Variants in CHIC1 observed in about 807,000 individuals in gnomAD.
CHIC1 encodes the protein cysteine-rich hydrophobic domain-containing protein 1.
Under a neutral mutation model 18.5 loss-of-function variants are expected in CHIC1, and 7 were observed. The ratio of observed to expected loss-of-function variants is 0.38; its 90% CI spans 0.22 to 0.71. The LOEUF is 0.71. CHIC1 is among the 30% of genes least tolerant of loss of function. CHIC1 has a pLI of 0.49. For synonymous variants in CHIC1, 77 were observed against 73.5 expected, an observed-to-expected ratio of 1.05 and a Z score of -0.25; for missense variants, 159 against 176.9, an observed-to-expected ratio of 0.90 and a Z score of 0.57.
rs2058119750 is a variant in CHIC1 at position 73,685,953 on chromosome X, C to A, written c.*4948C>A. ...AGCAGATGATAGCAGTGGAGGGTAT[C>A]CTTGAGCTTTTTGTAATATTTCAAA... On this transcript the variant is annotated 3_prime_UTR_variant, in exon 6 of 6. Transcript: ENST00000373502. 2 of 110,858 alleles carry A rather than the reference C, an allele frequency of 1.8e-5. No individual in the cohort carries two copies. The highest frequency in any genetic ancestry group is 9.7e-5 in the Admixed American group (1 of 10,331). The allele number at this position is 110,858 out of a possible 1,213,427, so 9.1% of individuals were successfully genotyped here.
In CHIC1 at chrX:73,658,715, T is replaced by C. The variant is rs1052127755; in HGVS notation, c.508-20611T>C. The stretch of plus-strand genomic sequence containing the variant: ...TTCTTGGTTCTCTAGTTCTTTTTGT[T>C]GTGATGTTAGGTTGCTAACTTGAGG... On this transcript the variant is annotated intron_variant, in intron 3 of 5. Transcript: ENST00000373502. Among the ~76,000 whole-genome samples the C allele has an allele frequency of 2.7e-5, 3 of 111,662 alleles. No homozygotes were observed. The Admixed American group carries it at 2.9e-4, about 11-fold the overall frequency.
chrX:73,606,099 G>T (rs758819708), intron 3 of CHIC1, among the ~76,000 whole-genome samples: 1 of 107,452 alleles, frequency 9.3e-6, no homozygotes, highest in East Asian at 2.9e-4. Flanking sequence ...TTTTTAACTT[G>T]ATTCCATTTT....
chrX:73,566,825 C>A (rs2057447131), intron 1 of CHIC1, among the ~76,000 whole-genome samples: 1 of 111,294 alleles, frequency 9.0e-6, no homozygotes, highest in African/African-American at 3.3e-5. Context: ...ATGATTTCTT[C>A]TTTTTCAGAA....
chrX:73,664,256 G>A (rs1042975995), intron 3 of CHIC1, among the ~76,000 whole-genome samples: 2 of 111,310 alleles, frequency 1.8e-5, no homozygotes, highest in Non-Finnish European at 3.8e-5. Flanking sequence ...TTTTTACATC[G>A]GGGCATATAG....
chrX:73,674,640 C>T lies in CHIC1; in HGVS notation c.508-4686C>T, dbSNP rs760896315. ...CTTCTCTCTTTTCTTTTTTATTAGT[C>T]TTTCTAGCGGTCTATCAATTTTGTT... On this transcript the variant is annotated intron_variant, in intron 3 of 5. Coordinates refer to ENST00000373502, the MANE Select transcript of CHIC1 (RefSeq NM_001039840.4). Among the ~76,000 whole-genome samples, 4 of 111,423 alleles carry T rather than the reference C, an allele frequency of 3.6e-5. No individual in the cohort carries two copies. The South Asian group carries it at 1.5e-3, about 42-fold the overall frequency.
chrX:73,620,209 G>A (rs1439151137), intron 3 of CHIC1, among the ~76,000 whole-genome samples: 2 of 111,921 alleles, frequency 1.8e-5, no homozygotes, highest in Admixed American at 9.4e-5. Flanking sequence ...ATAATTCTTT[G>A]GGTGTATACC....
intron 3 of CHIC1, among the ~76,000 whole-genome samples, chrX:73,677,397 G>T (rs778053611): frequency 5.4e-5 from 6 of 111,893 alleles, no homozygotes; most frequent in South Asian, 3.7e-4. Flanking sequence ...CAAGCTTCCC[G>T]GCTGCTTTGT....
intron 3 of CHIC1, among the ~76,000 whole-genome samples, chrX:73,649,288 C>G (rs986571633): frequency 1.3e-4 from 15 of 111,615 alleles, no homozygotes. Flanking sequence ...GAAACTGCAT[C>G]AACTAGTGCG....
Position 73,592,011 on chromosome X carries a change from T to A in CHIC1, c.507+7439T>A, listed in dbSNP as rs1178976672. Among the ~76,000 whole-genome samples the A allele has an allele frequency of 2.7e-5, 3 of 111,491 alleles. No homozygotes were observed. The Admixed American group carries it at 2.9e-4, about 11-fold the overall frequency. ...TTACTTTTCCATATAAACTTTAGAA[T>A]CATTTTTTCAATAATCACAAAACAT... On this transcript the variant is annotated intron_variant, in intron 3 of 5. Coordinates refer to ENST00000373502, the MANE Select transcript of CHIC1 (RefSeq NM_001039840.4).
At chrX:73,590,237 A>G (rs2057575034) in intron 3 of CHIC1, among the ~76,000 whole-genome samples, 1 of 110,617 alleles carries the variant, frequency 9.0e-6, no homozygotes, top group African/African-American at 3.3e-5. Flanking sequence ...TGCAGGCCAC[A>G]GATACTCTCA....
At chrX:73,621,812 G>A (rs2057761733) in intron 3 of CHIC1, among the ~76,000 whole-genome samples, 1 of 112,055 alleles carries the variant, frequency 8.9e-6, no homozygotes, top group Admixed American at 9.5e-5. Context: ...TGCCCATTCA[G>A]TATGATATTG....
At chrX:73,659,016 G>C (rs759094589) in intron 3 of CHIC1, among the ~76,000 whole-genome samples, 1 of 111,652 alleles carries the variant, frequency 9.0e-6, no homozygotes, top group South Asian at 3.8e-4. Context: ...CAGCAGCCAT[G>C]GCCCTGACAA....
intron 3 of CHIC1, among the ~76,000 whole-genome samples, chrX:73,604,952 G>T (rs983614940): frequency 1.8e-5 from 2 of 108,892 alleles, no homozygotes; most frequent in African/African-American, 7.1e-5. Context: ...TTGTGATGTG[G>T]TGCTGAGAAA....
At position 73,682,672 on chromosome X, in the gene CHIC1, A is replaced by G. The variant is rs1005645485; in HGVS notation, c.*1667A>G. The G allele has an allele frequency of 8.9e-6, 1 of 111,794 alleles. No individual in the cohort carries two copies. The highest frequency in any genetic ancestry group is 1.9e-5 in the Non-Finnish European group (1 of 52,821). 9.2% of individuals were successfully genotyped at this position (111,794 alleles called of 1,213,427 possible). A position where few individuals can be genotyped will look rare whatever the true frequency, so the allele number is the denominator to read the frequency against. On this transcript the variant is annotated 3_prime_UTR_variant, in exon 6 of 6. Coordinates refer to ENST00000373502, the MANE Select transcript of CHIC1 (RefSeq NM_001039840.4). ...TAATTGTTTGCACAAACACTTTTCCACCTTCCTCTGTGCCCCATTACCTCT... is the reference window on the plus strand; with the variant it reads ...TAATTGTTTGCACAAACACTTTTCCGCCTTCCTCTGTGCCCCATTACCTCT...
At chrX:73,652,081 C>T (rs1232405222) in intron 3 of CHIC1, among the ~76,000 whole-genome samples, 4 of 111,752 alleles carry the variant, frequency 3.6e-5, no homozygotes, top group African/African-American at 1.3e-4. Context: ...AATAACACCA[C>T]ACATCTACAA....
chrX:73,590,259 G>A (rs1256854455), intron 3 of CHIC1, among the ~76,000 whole-genome samples: 1 of 110,097 alleles, frequency 9.1e-6, no homozygotes, highest in Non-Finnish European at 1.9e-5. Flanking sequence ...TTTTTATTTA[G>A]GAATGTCTTT....
At chrX:73,638,666 C>G (rs1052800658) in intron 3 of CHIC1, among the ~76,000 whole-genome samples, 1 of 111,094 alleles carries the variant, frequency 9.0e-6, no homozygotes, top group East Asian at 2.9e-4. Flanking sequence ...TTTTCTGATT[C>G]TCTCCCTCCT....
intron 3 of CHIC1, among the ~76,000 whole-genome samples, chrX:73,611,391 T>G (rs2057707959): frequency 9.2e-6 from 1 of 109,132 alleles, no homozygotes; most frequent in Non-Finnish European, 1.9e-5. Context: ...AGTGTATATG[T>G]GCCACATGTT....
chrX:73,573,266 T>G (rs1390355601), intron 1 of CHIC1, among the ~76,000 whole-genome samples: 1 of 111,119 alleles, frequency 9.0e-6, no homozygotes, highest in African/African-American at 3.3e-5. Context: ...GTGCGCAGCT[T>G]TATTTCTGTG....
Sources: gnomAD v4.1 joint callset for allele counts (sites outside exome capture counted in the v4.1 genomes callset) on GRCh38, gnomAD v4.1.1 for gene constraint, MANE v1.5 for transcripts, NCBI Gene and HGNC (gene_info 2026-07-23, HGNC 2026-07-21) for gene names.